The following PCNX4 variants were observed in gnomAD, a reference collection of about 807,000 sequenced individuals.
PCNX4 encodes pecanex 4.
Under a neutral mutation model 107.2 loss-of-function variants are expected in PCNX4, and 103 were observed. That is an observed-to-expected ratio of 0.96 (90% CI 0.82 to 1.13). The LOEUF (loss-of-function observed/expected upper bound fraction) is 1.13, where lower values mean the gene tolerates loss of function less well. PCNX4 is among the 50% of genes most tolerant of loss of function. The pLI is 0.00. For missense variants in PCNX4, 1,528 were observed against 1,379.4 expected (o/e 1.11, Z -1.71); for synonymous variants, 541 against 481.7 (o/e 1.12, Z -1.61).
chr14:60,106,256 A>G (rs1227283665), intron 1 of PCNX4, among the ~76,000 whole-genome samples: 1 of 152,164 alleles, frequency 6.6e-6, no homozygotes, highest in Admixed American at 6.5e-5. Context: ...TCTCTGATAT[A>G]AAATGGTATC....
rs1896395601 is a variant in PCNX4, at chr14:60,145,954, A to G, written c.*11733A>G. On this transcript the variant is annotated 3_prime_UTR_variant, in exon 11 of 11. Transcript: ENST00000406854. The surrounding 1 kb of genome is among the most constrained non-coding windows in gnomAD (Gnocchi z 4.0). ...AAGCAAATTCTAGTTAACAAGTACT[A>G]TTAGCTTGAAATAAGCTATGCTAGC... 1 of 151,304 alleles carries G rather than the reference A, an allele frequency of 6.6e-6. No homozygotes were observed. The highest frequency in any genetic ancestry group is 6.6e-5 in the Admixed American group (1 of 15,156). The allele number at this position is 151,304 out of a possible 1,614,324, so 9.4% of individuals were successfully genotyped here.
At chr14:60,128,551 CAG>C (rs1344631522) in intron 10 of PCNX4, among the ~76,000 whole-genome samples, 1 of 152,100 alleles carries the variant, frequency 6.6e-6, no homozygotes, top group African/African-American at 2.4e-5. Flanking sequence ...TAAACAAAAA[CAG>C]AATTTGTTGC....
Position 60,134,209 on chromosome 14 carries a change from A to G in PCNX4, c.3507A>G (p.Ile1169Met). 6.2e-7 allele frequency: 1 copy of G among 1,613,520 alleles called. No individual in the cohort carries two copies. Among genetic ancestry groups the G allele is most frequent in the Non-Finnish European group, 8.5e-7 (1 of 1,179,562 alleles). Reference protein sequence around the residue: ...YPIYSSKPLHIHLY With the variant: ...YPIYSSKPLHMHLY ...TTTATTCTTCAAAACCTCTCCACAT[A>G]CATTTGTATTAGAGCTCATTTTGAC... The change falls in exon 11 of 11, where the codon ATA becomes ATG. Residue 1169 changes from isoleucine to methionine, a missense_variant. Ile to Met is a conservative substitution (Grantham distance 10, BLOSUM62 1). Coordinates refer to ENST00000406854, the MANE Select transcript of PCNX4 (RefSeq NM_001330177.2).
intron 10 of PCNX4, among the ~76,000 whole-genome samples, chr14:60,130,794 ATT>A (rs577700402): frequency 5.5e-5 from 8 of 146,514 alleles, no homozygotes; most frequent in African/African-American, 2.0e-4. Context: ...GAGAAATAGC[ATT>A]TTTTTTTTTT....
chr14:60,140,811 A>G lies in PCNX4; in HGVS notation c.*6590A>G, dbSNP rs1896297951. 1 of 152,214 alleles carries G rather than the reference A, an allele frequency of 6.6e-6. No individual in the cohort carries two copies. The highest frequency in any genetic ancestry group is 2.4e-5 in the African/African-American group (1 of 41,462). The allele number at this position is 152,214 out of a possible 1,614,324, so 9.4% of individuals were successfully genotyped here. On this transcript the variant is annotated 3_prime_UTR_variant, in exon 11 of 11. Coordinates refer to ENST00000406854, the MANE Select transcript of PCNX4 (RefSeq NM_001330177.2). The surrounding 1 kb of genome is among the most constrained non-coding windows in gnomAD (Gnocchi z 4.2). ...ACTCATAAAAAGTTTGCTTTTTAAT[A>G]TTCATCTTTATTTTTCTTATCTTGA...
intron 1 of PCNX4, among the ~76,000 whole-genome samples, chr14:60,103,034 C>T (rs923193668): frequency 2.0e-5 from 3 of 152,060 alleles, no homozygotes; most frequent in Non-Finnish European, 4.4e-5. Context: ...CTCTTTAATC[C>T]TTAAAAAGAA....
At chr14:60,116,846 G>A (rs1391528824) in intron 6 of PCNX4, among the ~76,000 whole-genome samples, 1 of 152,172 alleles carries the variant, frequency 6.6e-6, no homozygotes, top group Non-Finnish European at 1.5e-5. Flanking sequence ...GAAGGTGGAA[G>A]ACAGTAATAC....
At chr14:60,106,605 A>G (rs1895634197) in intron 1 of PCNX4, among the ~76,000 whole-genome samples, 2 of 152,200 alleles carry the variant, frequency 1.3e-5, no homozygotes, top group African/African-American at 4.8e-5. Context: ...ACAATTTTAA[A>G]AACTCCATAG....
Position 60,142,065 on chromosome 14 carries a change from A to G in PCNX4, c.*7844A>G, listed in dbSNP as rs1175511665. On this transcript the variant is annotated 3_prime_UTR_variant, in exon 11 of 11. Coordinates refer to ENST00000406854, the MANE Select transcript of PCNX4 (RefSeq NM_001330177.2). This position sits in a 1 kb window ranked among gnomAD's most constrained non-coding sequence, Gnocchi z 4.7. ...ATGCAAACTAATCTATAATAATGCA[A>G]GCACATCATTGGTTGCCTGGAATGG... 6.6e-6 allele frequency: 1 copy of G among 152,224 alleles called. No individual in the cohort carries two copies. Among genetic ancestry groups the G allele is most frequent in the South Asian group, 2.1e-4 (1 of 4,832 alleles). The allele number at this position is 152,224 out of a possible 1,614,324, so 9.4% of individuals were successfully genotyped here. A position where few individuals can be genotyped will look rare whatever the true frequency, so the allele number is the denominator to read the frequency against.
intron 10 of PCNX4, among the ~76,000 whole-genome samples, chr14:60,128,564 T>C (rs77319123): frequency 0.022 from 3,298 of 152,310 alleles, 59 homozygotes; most frequent in South Asian, 0.049. Flanking sequence ...AATTTGTTGC[T>C]ACCAGACCCA....
At chr14:60,133,875 C>T in intron 10 of PCNX4, 95 bp from the exon 11 acceptor site, 2 of 1,274,524 alleles carry the variant, frequency 1.6e-6, no homozygotes, top group Non-Finnish European at 2.1e-6. Flanking sequence ...TGCCTAATTA[C>T]AATGCAATTT....
At position 60,107,596 on chromosome 14, in the gene PCNX4, G is replaced by A. The variant is rs1895651790; in HGVS notation, c.-43G>A. On this transcript the variant is annotated 5_prime_UTR_variant, in exon 2 of 11. Coordinates refer to ENST00000406854, the MANE Select transcript of PCNX4 (RefSeq NM_001330177.2). ...ATTTTTATTTTTTAGAAACTGCTGT[G>A]TTACAGAAAAGCATGTGACTTTCAG... The A allele has an allele frequency of 1.3e-6, 2 of 1,503,406 alleles. No homozygotes were observed. The highest frequency in any genetic ancestry group is 2.3e-5 in the East Asian group (1 of 44,016). 93.1% of individuals were successfully genotyped at this position (1,503,406 alleles called of 1,614,324 possible).
chr14:60,115,356 C>T lies in PCNX4; in HGVS notation c.1252C>T (p.Arg418Ter), dbSNP rs187431275. 7.5e-6 allele frequency: 12 copies of T among 1,604,210 alleles called. No individual in the cohort carries two copies. The highest frequency in any genetic ancestry group is 5.1e-5 in the Admixed American group (3 of 58,564). The change falls in exon 4 of 11, where the codon CGA (arginine) becomes TGA (stop). Residue 418 changes from arginine to a stop codon, truncating the protein, a stop_gained. Transcript: ENST00000406854. LOFTEE classifies it high-confidence loss of function. ...IQSVYIIGIF[R>*]NPFYPKDVQT... Reference sequence around the variant, plus strand: ...AAGCGTATATATCATTGGAATTTTCCGAAATCCCTTTTATCCGAAGGATGT... The same window carrying T: ...AAGCGTATATATCATTGGAATTTTCTGAAATCCCTTTTATCCGAAGGATGT...
intron 2 of PCNX4, chr14:60,109,842 C>A (rs755006276): frequency 1.8e-5 from 3 of 167,204 alleles, no homozygotes; most frequent in Admixed American, 1.3e-4. Flanking sequence ...TGTTACAAAG[C>A]GTCAAAGAAC....
chr14:60,093,144 A>G (rs867874689), intron 1 of PCNX4, among the ~76,000 whole-genome samples: 1 of 152,126 alleles, frequency 6.6e-6, no homozygotes, highest in Non-Finnish European at 1.5e-5. Flanking sequence ...TAAATTTCCT[A>G]CTTAAAGAGC....
intron 10 of PCNX4, among the ~76,000 whole-genome samples, chr14:60,131,323 G>A (rs1896151242): frequency 6.6e-6 from 1 of 152,138 alleles, no homozygotes; most frequent in South Asian, 2.1e-4. Flanking sequence ...GAATATCTAA[G>A]GAATCAACTA....
Position 60,108,203 on chromosome 14 carries a change from T to C in PCNX4, c.565T>C (p.Tyr189His), listed in dbSNP as rs761985326. 5.1e-5 allele frequency: 83 copies of C among 1,612,720 alleles called. No individual in the cohort carries two copies. The highest frequency in any genetic ancestry group is 1.3e-4 in the East Asian group (6 of 44,892). Residue 189 changes from tyrosine to histidine, a missense_variant, in exon 2 of 11, where the codon TAT becomes CAT. Physicochemically the swap from Tyr to His is moderately conservative, Grantham distance 83. Coordinates refer to ENST00000406854, the MANE Select transcript of PCNX4 (RefSeq NM_001330177.2). Reference protein sequence around the residue: ...FGWMTLCIAEYSLIVNTATET... With the variant: ...FGWMTLCIAEHSLIVNTATET... ...ATGGATGACACTATGTATAGCAGAA[T>C]ATTCTTTAATTGTAAACACAGCTAC...
chr14:60,108,344 TACTTTGTAACTA>T lies in PCNX4; in HGVS notation c.689+25_689+36del. On this transcript the variant is annotated intron_variant, in intron 2 of 10. Transcript: ENST00000406854. ...GGCACACAGGTAAAAACCTACCAAA[TACTTTGTAACTA>T]ACTTTGTTTTTAAGTATACAGAGTA... 6.5e-7 allele frequency: 1 copy of T among 1,550,092 alleles called. No homozygotes were observed. The highest frequency in any genetic ancestry group is 8.8e-7 in the Non-Finnish European group (1 of 1,141,714).
At chr14:60,098,626 A>G (rs1415963552) in intron 1 of PCNX4, among the ~76,000 whole-genome samples, 4 of 152,184 alleles carry the variant, frequency 2.6e-5, no homozygotes, top group Admixed American at 2.6e-4. Context: ...AGCATGAAAT[A>G]TATGTTTCTG....
Sources: allele counts gnomAD v4.1 joint callset (sites outside exome capture counted in the v4.1 genomes callset), GRCh38; gene constraint gnomAD v4.1.1; non-coding constraint Gnocchi (gnomAD v3.1); transcripts MANE v1.5; gene names NCBI Gene and HGNC (gene_info 2026-07-23, HGNC 2026-07-21).